ARHGAP10: variants seen among roughly 807,000 people sequenced by gnomAD.
ARHGAP10 encodes the protein Rho GTPase activating protein 10, also known as rho GTPase-activating protein 10.
A neutral mutation model predicts 108.6 loss-of-function variants in ARHGAP10; 87 were observed. The ratio of observed to expected loss-of-function variants is 0.80; its 90% CI spans 0.67 to 0.96. The LOEUF is 0.96. Among genes scored for constraint, ARHGAP10 ranks in the 40% least tolerant of loss-of-function variants. The pLI, the probability that ARHGAP10 is intolerant of heterozygous loss-of-function variation, is 0.00. For synonymous variants in ARHGAP10, 347 were observed against 341.1 expected (o/e 1.02, Z -0.19); for missense variants, 939 against 954.5 (o/e 0.98, Z 0.21).
chr4:147,809,226 CA>C (rs1731915304), intron 1 of ARHGAP10: 1 of 152,302 alleles, frequency 6.6e-6, no homozygotes, highest in Non-Finnish European at 1.5e-5. Flanking sequence ...AACAAAACAC[CA>C]TTCCTTATTT....
chr4:148,000,235 T>C (rs1381788118), intron 18 of ARHGAP10, among the ~76,000 whole-genome samples: 1 of 152,194 alleles, frequency 6.6e-6, no homozygotes. Context: ...GCTTCATCCA[T>C]GTCCCTACAA....
intron 12 of ARHGAP10, among the ~76,000 whole-genome samples, chr4:147,911,538 AT>A (rs1272084195): frequency 6.6e-6 from 1 of 152,072 alleles, no homozygotes; most frequent in Non-Finnish European, 1.5e-5. Flanking sequence ...AATTTATTGT[AT>A]TTTTAGTAGA....
At chr4:147,797,374 GTTGT>G (rs1029284227) in intron 1 of ARHGAP10, among the ~76,000 whole-genome samples, 2 of 152,022 alleles carry the variant, frequency 1.3e-5, no homozygotes, top group Non-Finnish European at 2.9e-5. Flanking sequence ...CATGTCTGGA[GTTGT>G]TTGTTTTTCT....
In ARHGAP10 at chr4:147,883,197, G is replaced by A. The variant is rs1005850404; in HGVS notation, c.1034+1265G>A. ...GTGAAAAGGACAAGTGGTTAAATAAGCGTTTTGCCAAGATAGGAAAAATAT... is the reference window on the plus strand; with the variant it reads ...GTGAAAAGGACAAGTGGTTAAATAAACGTTTTGCCAAGATAGGAAAAATAT... On this transcript the variant is annotated intron_variant, in intron 10 of 22. Coordinates refer to ENST00000336498, the MANE Select transcript of ARHGAP10 (RefSeq NM_024605.4). Among the ~76,000 whole-genome samples, 4 of 152,294 alleles carry A rather than the reference G, an allele frequency of 2.6e-5. 1 individual carries two copies. The highest frequency in any genetic ancestry group is 1.3e-4 in the Admixed American group (2 of 15,294).
chr4:147,799,922 G>A (rs1038819152), intron 1 of ARHGAP10, among the ~76,000 whole-genome samples: 4 of 151,960 alleles, frequency 2.6e-5, no homozygotes, highest in African/African-American at 7.3e-5. Context: ...GGGGGGGTGC[G>A]GGCAGTGGGA....
chr4:147,893,065 T>C (rs537765563), intron 10 of ARHGAP10, among the ~76,000 whole-genome samples: 68 of 150,672 alleles, frequency 4.5e-4, no homozygotes, highest in Admixed American at 6.0e-4. Flanking sequence ...GGAAGTAAAT[T>C]TTTTTTTTTT....
intron 22 of ARHGAP10, among the ~76,000 whole-genome samples, chr4:148,070,197 G>C (rs1730105587): frequency 6.6e-6 from 1 of 152,172 alleles, no homozygotes; most frequent in South Asian, 2.1e-4. Context: ...CACGCACACA[G>C]AACATGTAGG....
chr4:148,024,680 A>G (rs1741697969), intron 19 of ARHGAP10, among the ~76,000 whole-genome samples: 1 of 152,260 alleles, frequency 6.6e-6, no homozygotes, highest in Admixed American at 6.5e-5. Context: ...CTATAATTTC[A>G]GAACTTCCTT....
intron 9 of ARHGAP10, 144 bp downstream of exon 9, chr4:147,879,482 G>C (rs1255727869): frequency 1.4e-6 from 1 of 693,376 alleles, no homozygotes; most frequent in Non-Finnish European, 2.2e-6. Context: ...TTTTGTTTTT[G>C]AGTGAAATGG....
At chr4:147,947,261 T>TA (rs1738423651) in intron 15 of ARHGAP10, among the ~76,000 whole-genome samples, 1 of 149,910 alleles carries the variant, frequency 6.7e-6, no homozygotes, top group South Asian at 2.1e-4. Flanking sequence ...GAAAAGAACT[T>TA]AATGATAAGC....
intron 18 of ARHGAP10, among the ~76,000 whole-genome samples, chr4:148,017,926 T>C (rs565905180): frequency 6.6e-6 from 1 of 151,838 alleles, no homozygotes; most frequent in South Asian, 2.1e-4. Flanking sequence ...TGGGGAGGGA[T>C]TTATATAAAT....
rs557680822 is a variant in ARHGAP10, at chr4:147,750,957, C to T, written c.154+18502C>T. Among the ~76,000 whole-genome samples, 290 of 151,902 alleles carry T rather than the reference C, an allele frequency of 1.9e-3. 3 individuals are homozygous for T. The highest frequency in any genetic ancestry group is 6.5e-3 in the African/African-American group (271 of 41,444). On this transcript the variant is annotated intron_variant, in intron 1 of 22. Transcript: ENST00000336498. ...TTTGGAGGGCTCATTGTGGGCAGGT[C>T]GCGTGAGGTCAGGAGTTGGAGACTA...
At chr4:148,071,638 C>CAAACA (rs764443436) in intron 22 of ARHGAP10, among the ~76,000 whole-genome samples, 2 of 150,638 alleles carry the variant, frequency 1.3e-5, no homozygotes, top group South Asian at 2.1e-4. Context: ...AACAAACAAA[C>CAAACA]AAAAAAAAAC....
chr4:148,013,098 G>C (rs1240840888), intron 18 of ARHGAP10, among the ~76,000 whole-genome samples: 2 of 152,148 alleles, frequency 1.3e-5, no homozygotes, highest in East Asian at 3.8e-4. Context: ...CAGTAATTCA[G>C]TATGAAGGCT....
At position 147,991,138 on chromosome 4, in the gene ARHGAP10, CT is replaced by C. The variant is rs1166862398; in HGVS notation, c.1716+24300del. Among the ~76,000 whole-genome samples, 4 of 149,208 alleles carry C rather than the reference CT, an allele frequency of 2.7e-5. No individual in the cohort carries two copies. The East Asian group carries it at 7.8e-4, about 29-fold the overall frequency. On this transcript the variant is annotated intron_variant, in intron 18 of 22. Coordinates refer to ENST00000336498, the MANE Select transcript of ARHGAP10 (RefSeq NM_024605.4). Reference sequence around the variant, plus strand: ...ATATAACAAACCTGCATGTGTACCCCTGAACCTAAAAAAAAAAAAAAATAAA... The same window carrying C: ...ATATAACAAACCTGCATGTGTACCCCGAACCTAAAAAAAAAAAAAAATAAA...
chr4:147,787,697 T>A (rs1272832030), intron 1 of ARHGAP10, among the ~76,000 whole-genome samples: 1 of 152,106 alleles, frequency 6.6e-6, no homozygotes, highest in East Asian at 1.9e-4. Context: ...CACAACCAAT[T>A]CCCCTGTTGT....
intron 19 of ARHGAP10, among the ~76,000 whole-genome samples, chr4:148,030,004 C>A (rs374620304): frequency 5.3e-5 from 8 of 151,642 alleles, no homozygotes; most frequent in Admixed American, 1.3e-4. Flanking sequence ...TCCCCCCCCC[C>A]ACCAACCCCA....
intron 18 of ARHGAP10, among the ~76,000 whole-genome samples, chr4:147,969,824 T>A (rs1268644484): frequency 6.6e-6 from 1 of 152,160 alleles, no homozygotes; most frequent in Admixed American, 6.5e-5. Flanking sequence ...GGTCTTTCGG[T>A]TTTCCTTCTC....
chr4:148,042,761 G>T (rs1004888669), intron 19 of ARHGAP10, among the ~76,000 whole-genome samples: 1 of 152,176 alleles, frequency 6.6e-6, no homozygotes, highest in East Asian at 1.9e-4. Flanking sequence ...AGCATCTGTG[G>T]TATGCCTTTG....
Sources: gnomAD v4.1 joint callset for allele counts (sites outside exome capture counted in the v4.1 genomes callset) on GRCh38, gnomAD v4.1.1 for gene constraint, MANE v1.5 for transcripts, NCBI Gene and HGNC (gene_info 2026-07-23, HGNC 2026-07-21) for gene names.